HSPBAP1: variants seen among roughly 807,000 people sequenced by gnomAD.
The protein encoded by HSPBAP1 is HSPB1 associated protein 1, also known as HSPB1-associated protein 1.
A neutral mutation model predicts 45.2 loss-of-function variants in HSPBAP1; 27 were observed. The ratio of observed to expected loss-of-function variants is 0.60; its 90% confidence interval spans 0.44 to 0.82. HSPBAP1 has a LOEUF of 0.82. HSPBAP1 is among the 40% of genes least tolerant of loss of function. The pLI is 0.00. For synonymous variants in HSPBAP1, 204 were observed against 202.7 expected, an observed-to-expected ratio of 1.01 and a Z score of -0.06; for missense variants, 510 against 590.9, an observed-to-expected ratio of 0.86 and a Z score of 1.42.
intron 3 of HSPBAP1, among the ~76,000 whole-genome samples, chr3:122,759,818 A>C (rs1934503199): frequency 6.6e-6 from 1 of 152,208 alleles, no homozygotes. Flanking sequence ...AGAAGTCAGA[A>C]AGCCGTATTT....
intron 4 of HSPBAP1, 87 bp downstream of exon 4, chr3:122,759,137 T>C: frequency 6.7e-7 from 1 of 1,483,950 alleles, no homozygotes; most frequent in Non-Finnish European, 9.0e-7. Flanking sequence ...CTTGGGGTAT[T>C]GCCCTATTCT....
At chr3:122,783,053 C>T (rs1336880911) in intron 1 of HSPBAP1, among the ~76,000 whole-genome samples, 5 of 152,096 alleles carry the variant, frequency 3.3e-5, no homozygotes, top group Non-Finnish European at 5.9e-5. Context: ...AGGAGGGCAG[C>T]GTGGATGCTT....
At chr3:122,783,700 A>T (rs1935564572) in intron 1 of HSPBAP1, among the ~76,000 whole-genome samples, 1 of 152,222 alleles carries the variant, frequency 6.6e-6, no homozygotes, top group Non-Finnish European at 1.5e-5. Context: ...ACTGCAGTTA[A>T]TTGTGGAAAA....
intron 6 of HSPBAP1, among the ~76,000 whole-genome samples, chr3:122,746,770 G>A (rs928760999): frequency 1.9e-4 from 29 of 151,556 alleles, no homozygotes; most frequent in Middle Eastern, 3.4e-3. Flanking sequence ...CTCCTGCCTC[G>A]GCCTGCCGAG....
chr3:122,782,712 C>T (rs1560165945), intron 1 of HSPBAP1, among the ~76,000 whole-genome samples: 1 of 152,134 alleles, frequency 6.6e-6, no homozygotes, highest in African/African-American at 2.4e-5. Context: ...ATTTTAGTTA[C>T]TTTATCTATA....
chr3:122,740,457 G>T lies in HSPBAP1; in HGVS notation c.1355C>A (p.Thr452Asn), dbSNP rs1330133383. The T allele has an allele frequency of 6.2e-7, 1 of 1,614,012 alleles. No homozygotes were observed. The highest frequency in any genetic ancestry group is 8.5e-7 in the Non-Finnish European group (1 of 1,179,844). ...NAIEEQIASN[T>N]TTTPQTFIST... ...AATGAATGTTTGAGGAGTCGTAGTAGTATTTGAGGCAATCTGTTCCTCAAT... is the reference window on the plus strand; with the variant it reads ...AATGAATGTTTGAGGAGTCGTAGTATTATTTGAGGCAATCTGTTCCTCAAT... The change falls in exon 8 of 8, where the codon ACT becomes AAT. Residue 452 changes from threonine to asparagine, a missense_variant. Transcript: ENST00000306103.
intron 2 of HSPBAP1, among the ~76,000 whole-genome samples, chr3:122,774,253 T>C (rs914116986): frequency 3.3e-5 from 5 of 152,182 alleles, no homozygotes; most frequent in African/African-American, 1.2e-4. Flanking sequence ...GGTAATTGAA[T>C]AGTCACACCT....
At chr3:122,779,231 C>G (rs11713518) in intron 1 of HSPBAP1, among the ~76,000 whole-genome samples, 6 of 151,264 alleles carry the variant, frequency 4.0e-5, no homozygotes, top group Admixed American at 3.9e-4. Context: ...TTAGTAGAGA[C>G]GGGCTTTCAC....
intron 4 of HSPBAP1, among the ~76,000 whole-genome samples, chr3:122,756,323 G>C (rs1409303869): frequency 6.6e-6 from 1 of 152,152 alleles, no homozygotes; most frequent in African/African-American, 2.4e-5. Context: ...AGTATATGCT[G>C]AAGTCTTATT....
At chr3:122,741,142 CTG>C in intron 6 of HSPBAP1, 29 bp from the exon 7 acceptor site, 3 of 1,469,254 alleles carry the variant, frequency 2.0e-6, no homozygotes, top group Non-Finnish European at 2.9e-6. Flanking sequence ...CTTTTAACTT[CTG>C]TTAAGTCTCA....
chr3:122,790,420 A>G (rs1935789098), intron 1 of HSPBAP1, among the ~76,000 whole-genome samples: 1 of 152,186 alleles, frequency 6.6e-6, no homozygotes, highest in South Asian at 2.1e-4. Flanking sequence ...TAGGAAGCAC[A>G]AACCAACCCA....
chr3:122,747,264 C>A (rs1452167401), intron 6 of HSPBAP1, among the ~76,000 whole-genome samples: 1 of 151,780 alleles, frequency 6.6e-6, no homozygotes, highest in Non-Finnish European at 1.5e-5. Flanking sequence ...CTCTGCCCGG[C>A]CGCCCATCGT....
At chr3:122,754,883 A>C in intron 5 of HSPBAP1, 1 of 994,828 alleles carries the variant, frequency 1.0e-6, no homozygotes, top group Non-Finnish European at 1.2e-6. Context: ...GTCTGGGTTC[A>C]GTGCTATCAT....
At position 122,740,608 on chromosome 3, in the gene HSPBAP1, G is replaced by T. The variant is rs752798844; in HGVS notation, c.1204C>A (p.Pro402Thr). 2 of 1,614,186 alleles carry T rather than the reference G, an allele frequency of 1.2e-6. No individual in the cohort carries two copies. Among genetic ancestry groups the T allele is most frequent in the Non-Finnish European group, 1.7e-6 (2 of 1,180,040 alleles). Residue 402 changes from proline (P) to threonine (T), a missense_variant, in exon 8 of 8, where the codon CCG becomes ACG. By Grantham distance (38) the Pro-to-Thr change is conservative (BLOSUM62 -1). Coordinates refer to ENST00000306103, the MANE Select transcript of HSPBAP1 (RefSeq NM_024610.6). The stretch of plus-strand genomic sequence containing the variant: ...AATATGCCTCCTCTTTCTGAAGGCG[G>T]TTCTTCGGACCTCTGTGCTACAGGG... Reference protein sequence around the residue: ...LVPVAQRSEEPPSERGGIFGS... With the variant: ...LVPVAQRSEETPSERGGIFGS...
In HSPBAP1 at chr3:122,740,740, C is replaced by A. The variant is rs1265655688; in HGVS notation, c.1072G>T (p.Glu358Ter). 3.1e-6 allele frequency: 5 copies of A among 1,614,022 alleles called. No homozygotes were observed. The African/African-American group carries it at 6.7e-5, about 22-fold the overall frequency. ...RTDGEHMKKE[E>*]LNVCNHMEVG... is the part of the protein sequence containing the mutation. Reference sequence around the variant, plus strand: ...TCCATGTGGTTGCACACATTTAATTCTTCCTTTTTCATGTGCTCTCCATCT... The same window carrying A: ...TCCATGTGGTTGCACACATTTAATTATTCCTTTTTCATGTGCTCTCCATCT... The change falls in exon 8 of 8, where the codon GAA (glutamate) becomes TAA (stop). Residue 358 changes from glutamate to a stop codon, truncating the protein, a stop_gained. Transcript: ENST00000306103. LOFTEE classifies it low-confidence loss of function (END_TRUNC).
At chr3:122,779,059 G>C (rs1363664334) in intron 1 of HSPBAP1, among the ~76,000 whole-genome samples, 1 of 149,912 alleles carries the variant, frequency 6.7e-6, no homozygotes, top group Non-Finnish European at 1.5e-5. Flanking sequence ...TTGTGAGACA[G>C]AGTCTCGCTC....
chr3:122,785,065 C>T (rs943004415), intron 1 of HSPBAP1, among the ~76,000 whole-genome samples: 1 of 152,198 alleles, frequency 6.6e-6, no homozygotes, highest in Non-Finnish European at 1.5e-5. Context: ...TTCCACTGCA[C>T]AATCCTATTT....
chr3:122,773,453 C>T (rs908373633), intron 2 of HSPBAP1, among the ~76,000 whole-genome samples: 1 of 151,700 alleles, frequency 6.6e-6, no homozygotes, highest in Non-Finnish European at 1.5e-5. Context: ...AGATTACAGG[C>T]GTGCACCACC....
intron 1 of HSPBAP1, 61 bp downstream of exon 1, chr3:122,793,556 G>A: frequency 6.7e-7 from 1 of 1,503,644 alleles, no homozygotes; most frequent in South Asian, 1.1e-5. Flanking sequence ...CACGAGGGGT[G>A]CCACGAGAGT....
Sources: allele counts gnomAD v4.1 joint callset (sites outside exome capture counted in the v4.1 genomes callset), GRCh38; gene constraint gnomAD v4.1.1; transcripts MANE v1.5; gene names NCBI Gene and HGNC (gene_info 2026-07-23, HGNC 2026-07-21).